The following NAV2 variants were observed in gnomAD, a reference collection of about 807,000 sequenced individuals.
The protein encoded by NAV2 is neuron navigator 2.
In NAV2, 54 loss-of-function variants were observed where a neutral mutation model predicts 223.2. That is an observed-to-expected ratio of 0.24 (90% CI 0.19 to 0.30). NAV2 has a LOEUF of 0.30. Ranked by LOEUF, NAV2 falls within the 10% of genes least tolerant of loss-of-function variation. The pLI is 1.00. For missense variants in NAV2, 2,806 were observed against 3,147.5 expected (o/e 0.89, Z 2.60); for synonymous variants, 1,279 against 1,239.3 (o/e 1.03, Z -0.67).
intron 6 of NAV2, among the ~76,000 whole-genome samples, chr11:19,904,196 A>G (rs2042677208): frequency 6.6e-6 from 1 of 152,216 alleles, no homozygotes; most frequent in East Asian, 1.9e-4. Flanking sequence ...CTTATTTATT[A>G]TACATTCATG....
At chr11:19,825,679 A>T (rs1356784259) in intron 1 of NAV2, among the ~76,000 whole-genome samples, 2 of 152,222 alleles carry the variant, frequency 1.3e-5, no homozygotes, top group South Asian at 4.1e-4. Context: ...GGCTAATTGC[A>T]GTATAAACTT....
rs201175947 is a variant in NAV2 at position 20,045,322 on chromosome 11, G to A, written c.3554G>A (p.Arg1185Gln). 29 of 1,614,072 alleles carry A rather than the reference G, an allele frequency of 1.8e-5. No individual in the cohort carries two copies. In the East Asian group the frequency reaches 3.3e-4, roughly 19 times the overall value. ...GACGGGTATCTAGCCCTAAGCTCCC[G>A]GACAAACCTTCAGTACCGGAGTTTG... ...QDDGYLALSSRTNLQYRSLPR... is the reference protein window; with the variant it reads ...QDDGYLALSSQTNLQYRSLPR... The change falls in exon 14 of 38, where the codon CGG (arginine) becomes CAG (glutamine). Residue 1185 changes from arginine (R) to glutamine (Q), a missense_variant. This residue lies in a region of NAV2 where 742 missense variants were observed against 777.9 expected (regional missense o/e 0.95). Transcript: ENST00000349880.
chr11:19,673,949 T>C (rs1051865025), intron 1 of NAV2, among the ~76,000 whole-genome samples: 2 of 152,208 alleles, frequency 1.3e-5, no homozygotes, highest in Non-Finnish European at 2.9e-5. Context: ...CACTTCAGTG[T>C]GCTGCTTCTT....
At position 20,067,876 on chromosome 11, in the gene NAV2, T is replaced by C. The variant is rs556864532; in HGVS notation, c.4885-310T>C. ...TACTAAATCTGACTCATGGCCTTCT[T>C]ATCACATATCTTCTTCTGAGCACTT... is the stretch of plus-strand genomic sequence containing the variant. On this transcript the variant is annotated intron_variant, in intron 20 of 37. Coordinates refer to ENST00000349880, the MANE Select transcript of NAV2 (RefSeq NM_145117.5). Among the ~76,000 whole-genome samples, 9 of 152,216 alleles carry C rather than the reference T, an allele frequency of 5.9e-5. No individual in the cohort carries two copies. The South Asian group carries it at 1.9e-3, about 32-fold the overall frequency.
At chr11:19,704,254 T>A (rs956536143) in intron 1 of NAV2, among the ~76,000 whole-genome samples, 27 of 152,168 alleles carry the variant, frequency 1.8e-4, no homozygotes, top group African/African-American at 6.5e-4. Context: ...CTACCAAACC[T>A]TTCCACTCAT....
chr11:19,703,050 T>C (rs1007200950), intron 1 of NAV2, among the ~76,000 whole-genome samples: 7 of 151,652 alleles, frequency 4.6e-5, no homozygotes, highest in Admixed American at 3.9e-4. Context: ...AACATGTTTA[T>C]TTATACGTAT....
chr11:19,985,550 G>GTT (rs937417998), intron 11 of NAV2, among the ~76,000 whole-genome samples: 1 of 148,020 alleles, frequency 6.8e-6, no homozygotes, highest in African/African-American at 2.6e-5. Flanking sequence ...AGAAAAAAAA[G>GTT]TTTTTTTTGT....
At chr11:20,011,922 C>T (rs905615928) in intron 11 of NAV2, among the ~76,000 whole-genome samples, 3 of 152,220 alleles carry the variant, frequency 2.0e-5, no homozygotes, top group African/African-American at 4.8e-5. Context: ...AATGTATGCA[C>T]ACTAGTGTGG....
intron 22 of NAV2, among the ~76,000 whole-genome samples, chr11:20,072,697 A>G (rs1397387811): frequency 2.0e-5 from 3 of 152,174 alleles, no homozygotes; most frequent in South Asian, 2.1e-4. Flanking sequence ...CTTTGTAGCA[A>G]TTGTGAATGG....
rs150973636 is a variant in NAV2 at position 19,629,178 on chromosome 11, C to T, written c.76-203306C>T. Among the ~76,000 whole-genome samples, 60 of 152,190 alleles carry T rather than the reference C, an allele frequency of 3.9e-4. 2 individuals carry two copies. The East Asian group carries it at 0.011, about 27-fold the overall frequency. Reference sequence around the variant, plus strand: ...ATTTCCTCGTCACATCTCTCTCTCCCACCATTTCTGAGCCCTTGCCCCAAC... The same window carrying T: ...ATTTCCTCGTCACATCTCTCTCTCCTACCATTTCTGAGCCCTTGCCCCAAC... On this transcript the variant is annotated intron_variant, in intron 1 of 37. Coordinates refer to the NAV2 transcript ENST00000360655.
intron 1 of NAV2, among the ~76,000 whole-genome samples, chr11:19,401,517 T>G (rs573185474): frequency 6.6e-6 from 1 of 152,322 alleles, no homozygotes; most frequent in African/African-American, 2.4e-5. Flanking sequence ...TTATTTGGCC[T>G]TAGACATTAG....
intron 1 of NAV2, among the ~76,000 whole-genome samples, chr11:19,637,978 G>A (rs535289359): frequency 2.6e-5 from 4 of 152,190 alleles, no homozygotes; most frequent in Admixed American, 6.5e-5. Context: ...CAATTATTGA[G>A]TACTTACTAT....
intron 1 of NAV2, among the ~76,000 whole-genome samples, chr11:19,411,131 C>G (rs1039335006): frequency 1.3e-5 from 2 of 152,156 alleles, no homozygotes; most frequent in Admixed American, 1.3e-4. Context: ...ACCCCACCCC[C>G]AGAGTTTCTG....
At chr11:19,629,548 C>G (rs566860844) in intron 1 of NAV2, among the ~76,000 whole-genome samples, 1 of 147,772 alleles carries the variant, frequency 6.8e-6, no homozygotes, top group Admixed American at 6.7e-5. Flanking sequence ...CTCTGACACA[C>G]ACACACACAC....
intron 1 of NAV2, among the ~76,000 whole-genome samples, chr11:19,697,312 A>G (rs986328685): frequency 6.6e-6 from 1 of 152,126 alleles, no homozygotes; most frequent in Non-Finnish European, 1.5e-5. Context: ...GGGCTGAAGA[A>G]ACACCTGTTG....
At chr11:19,670,309 C>T (rs1044283177) in intron 1 of NAV2, among the ~76,000 whole-genome samples, 6 of 152,094 alleles carry the variant, frequency 3.9e-5, no homozygotes, top group African/African-American at 1.4e-4. Context: ...CTCTGATCTC[C>T]CCGGGCCATC....
chr11:19,348,909 C>T (rs566722817), upstream of NAV2, among the ~76,000 whole-genome samples: 23 of 152,266 alleles, frequency 1.5e-4, no homozygotes, highest in African/African-American at 4.6e-4. Flanking sequence ...AAGGGTAATA[C>T]GTATAGCCAG....
chr11:19,743,472 C>A (rs2053039766), intron 1 of NAV2, among the ~76,000 whole-genome samples: 1 of 152,210 alleles, frequency 6.6e-6, no homozygotes, highest in African/African-American at 2.4e-5. Flanking sequence ...GTGCTTTCTC[C>A]CTCCTGGGTC....
chr11:19,683,875 A>G (rs1029581605), intron 1 of NAV2, among the ~76,000 whole-genome samples: 11 of 152,242 alleles, frequency 7.2e-5, no homozygotes, highest in African/African-American at 2.2e-4. Flanking sequence ...AATTTTATTA[A>G]GTTTTAAAAA....
Sources: gnomAD v4.1 joint callset for allele counts (sites outside exome capture counted in the v4.1 genomes callset) on GRCh38, gnomAD v4.1.1 for gene constraint, gnomAD v4.1.1 regional missense constraint, MANE v1.5 for transcripts, NCBI Gene and HGNC (gene_info 2026-07-23, HGNC 2026-07-21) for gene names.